The following PHLPP1 variants were observed in gnomAD, a reference collection of about 807,000 sequenced individuals.
PHLPP1 encodes the protein PH domain and leucine rich repeat protein phosphatase 1.
A neutral mutation model predicts 117.2 loss-of-function variants in PHLPP1; 42 were observed. The ratio of observed to expected loss-of-function variants is 0.36; its 90% confidence interval spans 0.28 to 0.46. PHLPP1 has a LOEUF of 0.46. PHLPP1 is among the 20% of genes least tolerant of loss of function. The probability of loss-of-function intolerance (pLI) is 1.00; values close to 1 mark genes in which losing one functional copy is unlikely to be tolerated. For synonymous variants in PHLPP1, 1,042 were observed against 970.7 expected, an observed-to-expected ratio of 1.07 and a Z score of -1.37; for missense variants, 2,084 against 2,241.9, an observed-to-expected ratio of 0.93 and a Z score of 1.42.
At chr18:62,913,707 T>TA (rs1384573815) in intron 8 of PHLPP1, among the ~76,000 whole-genome samples, 2 of 150,322 alleles carry the variant, frequency 1.3e-5, no homozygotes, top group Admixed American at 1.3e-4. Flanking sequence ...ATTTAATAGT[T>TA]AAAGACACCA....
At chr18:62,924,903 A>G (rs1455882911) in intron 10 of PHLPP1, among the ~76,000 whole-genome samples, 2 of 151,728 alleles carry the variant, frequency 1.3e-5, no homozygotes, top group African/African-American at 2.4e-5. Context: ...ACCTGGTAGC[A>G]GGAAGCTATT....
chr18:62,963,035 T>A (rs1910810697), intron 13 of PHLPP1, among the ~76,000 whole-genome samples: 1 of 152,210 alleles, frequency 6.6e-6, no homozygotes, highest in Non-Finnish European at 1.5e-5. Context: ...TCCTATTACT[T>A]AAGTTTTGTT....
intron 1 of PHLPP1, among the ~76,000 whole-genome samples, chr18:62,737,333 G>A (rs1911398959): frequency 6.6e-6 from 1 of 152,134 alleles, no homozygotes; most frequent in Non-Finnish European, 1.5e-5. Context: ...TAAAAGAGAG[G>A]TTGAGGCCAT....
chr18:62,728,736 T>C (rs1911147204), intron 1 of PHLPP1, among the ~76,000 whole-genome samples: 2 of 152,140 alleles, frequency 1.3e-5, no homozygotes, highest in African/African-American at 4.8e-5. Flanking sequence ...CTCAAACTCC[T>C]GACTTCGTGA....
chr18:62,793,369 G>A (rs1913519764), intron 1 of PHLPP1, among the ~76,000 whole-genome samples: 1 of 152,134 alleles, frequency 6.6e-6, no homozygotes, highest in South Asian at 2.1e-4. Context: ...ACCTGCTGCT[G>A]TTTCGCCTTC....
At chr18:62,723,584 C>G (rs1910984585) in intron 1 of PHLPP1, among the ~76,000 whole-genome samples, 1 of 152,092 alleles carries the variant, frequency 6.6e-6, no homozygotes. Context: ...CATATACCTG[C>G]CTCAGTTAAT....
chr18:62,811,315 GT>G (rs1914108515), intron 1 of PHLPP1, among the ~76,000 whole-genome samples: 1 of 152,044 alleles, frequency 6.6e-6, no homozygotes, highest in African/African-American at 2.4e-5. Flanking sequence ...AAAGAAACTG[GT>G]AAACAAATGA....
chr18:62,844,251 C>T (rs1277984447), intron 3 of PHLPP1, among the ~76,000 whole-genome samples: 4 of 152,102 alleles, frequency 2.6e-5, no homozygotes, highest in East Asian at 1.9e-4. Flanking sequence ...GCAGGAGAAT[C>T]GCTTTTGAAC....
At chr18:62,772,397 C>T (rs577204384) in intron 1 of PHLPP1, among the ~76,000 whole-genome samples, 8 of 151,492 alleles carry the variant, frequency 5.3e-5, no homozygotes, top group Non-Finnish European at 1.2e-4. Context: ...TGAAATAATT[C>T]TTAGGGTGAT....
At chr18:62,977,159 T>C (rs184254489) in intron 16 of PHLPP1, among the ~76,000 whole-genome samples, 1 of 152,142 alleles carries the variant, frequency 6.6e-6, no homozygotes, top group Admixed American at 6.6e-5. Flanking sequence ...TACCTGCTTA[T>C]AAGTGTGGTG....
chr18:62,917,081 A>C (rs12959421), intron 9 of PHLPP1, among the ~76,000 whole-genome samples: 15,614 of 148,504 alleles, frequency 0.11, 933 homozygotes, highest in African/African-American at 0.15. Context: ...TCTCTTTCCC[A>C]CCTCCACCCC....
At chr18:62,963,519 C>T in intron 14 of PHLPP1, 47 bp downstream of exon 14, 5 of 1,203,976 alleles carry the variant, frequency 4.2e-6, no homozygotes, top group Admixed American at 1.9e-5. Context: ...CTGCCTGTCT[C>T]ACTCCTTTAG....
In PHLPP1 at chr18:62,716,420, A is replaced by G; in HGVS notation, c.737A>G (p.Lys246Arg). ...GGCCACAAAGGCGGCGGCGTGGTGA[A>G]GGTGCTGGGCCAGGGGCCCGGAGCC... ...QLGHKGGGVVKVLGQGPGAAA... is the reference protein window; with the variant it reads ...QLGHKGGGVVRVLGQGPGAAA... The change falls in exon 1 of 17, where the codon AAG (lysine) becomes AGG (arginine). Residue 246 changes from lysine (K) to arginine (R), a missense_variant. By Grantham distance (26) the Lys-to-Arg change is conservative (BLOSUM62 2). Around this residue, in one of 2 missense-constraint regions of PHLPP1, gnomAD observed 719 missense variants for 636.0 expected, o/e 1.13. Coordinates refer to ENST00000262719, the MANE Select transcript of PHLPP1 (RefSeq NM_194449.4). This position sits in a 1 kb window ranked among gnomAD's most constrained non-coding sequence, Gnocchi z 5.7. 3 of 1,470,206 alleles carry G rather than the reference A, an allele frequency of 2.0e-6. No homozygotes were observed. The highest frequency in any genetic ancestry group is 2.7e-6 in the Non-Finnish European group (3 of 1,114,404). The allele number at this position is 1,470,206 out of a possible 1,614,324, so 91.1% of individuals were successfully genotyped here. A position where few individuals can be genotyped will look rare whatever the true frequency, so the allele number is the denominator to read the frequency against.
At chr18:62,741,525 A>C (rs1032096232) in intron 1 of PHLPP1, among the ~76,000 whole-genome samples, 8 of 152,084 alleles carry the variant, frequency 5.3e-5, no homozygotes, top group African/African-American at 1.7e-4. Flanking sequence ...AAAACGTAAG[A>C]CAGTACTATA....
chr18:62,721,049 TA>T (rs1910900492), intron 1 of PHLPP1, among the ~76,000 whole-genome samples: 1 of 152,182 alleles, frequency 6.6e-6, no homozygotes, highest in African/African-American at 2.4e-5. Flanking sequence ...GATGCTAAAT[TA>T]AATTTACACT....
At position 62,873,002 on chromosome 18, in the gene PHLPP1, A is replaced by AAAAAAG. The variant is rs1555678865; in HGVS notation, c.2066+12406_2066+12411dup. 5.3e-3 allele frequency among the ~76,000 whole-genome samples: 741 copies of AAAAAAG among 140,056 alleles called. 19 individuals carry two copies. The highest frequency in any genetic ancestry group is 0.011 in the Middle Eastern group (3 of 270). The allele number at this position is 140,056 out of a possible 152,430, so 91.9% of individuals were successfully genotyped here. On this transcript the variant is annotated intron_variant, in intron 4 of 16. Coordinates refer to ENST00000262719, the MANE Select transcript of PHLPP1 (RefSeq NM_194449.4). ...ACTCTGCCTCAAAAAAAAAAAAAAAAAAAAAGAAAAGGGGAGGTCAGAGCA... is the reference window on the plus strand; with the variant it reads ...ACTCTGCCTCAAAAAAAAAAAAAAAAAAAAAGAAAAAGAAAAGGGGAGGTCAGAGCA...
Position 62,978,115 on chromosome 18 carries a change from C to T in PHLPP1, c.3985-147C>T. 3.3e-6 allele frequency: 2 copies of T among 600,026 alleles called. No homozygotes were observed. The highest frequency in any genetic ancestry group is 6.0e-6 in the Non-Finnish European group (2 of 334,506). 37.2% of individuals were successfully genotyped at this position (600,026 alleles called of 1,614,324 possible). On this transcript the variant is annotated intron_variant, in intron 16 of 16. Coordinates refer to ENST00000262719, the MANE Select transcript of PHLPP1 (RefSeq NM_194449.4). The surrounding 1 kb of genome is among the most constrained non-coding windows in gnomAD (Gnocchi z 7.0). ...ACAGGTGCACATTAACTACTCACTA[C>T]AGAGTGAGCCCTTCTTTCCTCTGTG...
chr18:62,943,888 T>C (rs565698774), intron 11 of PHLPP1, among the ~76,000 whole-genome samples: 17 of 152,332 alleles, frequency 1.1e-4, no homozygotes, highest in Admixed American at 3.9e-4. Context: ...GATTACTTCA[T>C]AGTCTGTGTA....
chr18:62,804,334 A>G (rs557322199), intron 1 of PHLPP1, among the ~76,000 whole-genome samples: 49 of 152,278 alleles, frequency 3.2e-4, no homozygotes, highest in Admixed American at 1.8e-3. Flanking sequence ...GTGGGGAAAC[A>G]GAGTCAAACC....
Sources: gnomAD v4.1 joint callset for allele counts (sites outside exome capture counted in the v4.1 genomes callset) on GRCh38, gnomAD v4.1.1 for gene constraint, gnomAD v4.1.1 regional missense constraint, Gnocchi (gnomAD v3.1) non-coding constraint, MANE v1.5 for transcripts, NCBI Gene and HGNC (gene_info 2026-07-23, HGNC 2026-07-21) for gene names.